The following DCDC1 variants were observed in gnomAD, a reference collection of about 807,000 sequenced individuals.
DCDC1 encodes the protein doublecortin domain containing 1, also known as doublecortin domain-containing protein 1.
Under a neutral mutation model 178.3 loss-of-function variants are expected in DCDC1, and 200 were observed. The ratio of observed to expected loss-of-function variants is 1.12; its 90% CI spans 1.00 to 1.26. The LOEUF is 1.26. Ranked by LOEUF, DCDC1 falls within the 50% of genes most tolerant of loss-of-function variation. The pLI is 0.00. For synonymous variants in DCDC1, 690 were observed against 604.8 expected (o/e 1.14, Z -2.07); for missense variants, 1,983 against 1,749.2 (o/e 1.13, Z -2.38).
chr11:30,916,684 C>T (rs752314893), intron 26 of DCDC1, among the ~76,000 whole-genome samples, 186 bp downstream of exon 26: 3 of 151,876 alleles, frequency 2.0e-5, no homozygotes, highest in Non-Finnish European at 4.4e-5. Context: ...CAAAATAAAC[C>T]AAAGAGTAAA....
chr11:31,345,344 A>T (rs1950759343), intron 1 of DCDC1, among the ~76,000 whole-genome samples: 1 of 152,188 alleles, frequency 6.6e-6, no homozygotes, highest in Non-Finnish European at 1.5e-5. Flanking sequence ...TCTCTATAGA[A>T]TTCAGGTCTG....
intron 8 of DCDC1, among the ~76,000 whole-genome samples, chr11:31,254,300 T>C (rs1944269858): frequency 1.3e-5 from 2 of 152,174 alleles, no homozygotes; most frequent in East Asian, 1.9e-4. Flanking sequence ...TGTTGGGTAC[T>C]TGTGAGTTGT....
intron 3 of DCDC1, among the ~76,000 whole-genome samples, chr11:31,326,364 C>A (rs963010235): frequency 1.5e-5 from 2 of 136,826 alleles, no homozygotes; most frequent in African/African-American, 2.5e-5. Flanking sequence ...ATACGTTTAG[C>A]TTTACCATAA....
chr11:31,073,911 A>C (rs1956713468), intron 18 of DCDC1, among the ~76,000 whole-genome samples: 2 of 152,172 alleles, frequency 1.3e-5, no homozygotes, highest in Non-Finnish European at 2.9e-5. Context: ...ATTGTATCAA[A>C]CTCTAAATTT....
At chr11:30,896,343 C>G (rs918169060) in intron 34 of DCDC1, among the ~76,000 whole-genome samples, 4 of 152,110 alleles carry the variant, frequency 2.6e-5, no homozygotes, top group African/African-American at 7.2e-5. Context: ...GAGGATGGAG[C>G]TCCACTGATA....
chr11:31,277,661 T>C (rs1339273615), intron 7 of DCDC1, among the ~76,000 whole-genome samples: 2 of 152,154 alleles, frequency 1.3e-5, no homozygotes, highest in East Asian at 1.9e-4. Flanking sequence ...ATTTCCTCGA[T>C]GATTAATAAT....
In DCDC1 at chr11:30,870,317, G is replaced by T. The variant is rs554938241; in HGVS notation, c.*41-4985C>A. On this transcript the variant is annotated intron_variant, in intron 38 of 38. Coordinates refer to ENST00000684477, the MANE Select transcript of DCDC1 (RefSeq NM_001387274.1). ...GGCCCATATCAACCTTCCCATGGGA[G>T]CTGGGTGTTATCTAATGGATAACAC... Among the ~76,000 whole-genome samples the T allele has an allele frequency of 2.1e-4, 32 of 152,086 alleles. 1 individual carries two copies. The highest frequency in any genetic ancestry group is 4.0e-4 in the Non-Finnish European group (27 of 68,020).
chr11:31,189,301 T>C (rs947471071), intron 9 of DCDC1, among the ~76,000 whole-genome samples: 2 of 152,162 alleles, frequency 1.3e-5, no homozygotes, highest in Admixed American at 6.5e-5. Flanking sequence ...ATTTCACACA[T>C]TGGAAAAGTA....
rs999033890 is a variant in DCDC1 at position 31,136,031 on chromosome 11, T to G, written c.1314+1661A>C. Among the ~76,000 whole-genome samples the G allele has an allele frequency of 3.3e-5, 5 of 152,086 alleles. No homozygotes were observed. In the South Asian group the frequency reaches 6.2e-4, roughly 19 times the overall value. The stretch of plus-strand genomic sequence containing the variant: ...TAAAAGGAAAATAATCTGTCATTCT[T>G]TTACAATATTTTCTATTTAATCTCT... On this transcript the variant is annotated intron_variant, in intron 10 of 38. Coordinates refer to ENST00000684477, the MANE Select transcript of DCDC1 (RefSeq NM_001387274.1).
At chr11:30,972,236 G>T (rs1949841630) in intron 20 of DCDC1, among the ~76,000 whole-genome samples, 1 of 152,058 alleles carries the variant, frequency 6.6e-6, no homozygotes, top group South Asian at 2.1e-4. Flanking sequence ...CTAGAGAAAA[G>T]CATCTAGTCA....
At chr11:31,211,819 ACAC>A (rs1972568753) in intron 9 of DCDC1, among the ~76,000 whole-genome samples, 1 of 152,288 alleles carries the variant, frequency 6.6e-6, no homozygotes, top group Admixed American at 6.5e-5. Context: ...GCAGTGGCTC[ACAC>A]CTGTAATCCC....
intron 38 of DCDC1, among the ~76,000 whole-genome samples, chr11:30,870,478 AG>A (rs1188486579): frequency 6.6e-6 from 1 of 152,238 alleles, no homozygotes; most frequent in Non-Finnish European, 1.5e-5. Context: ...AGAGTGAGGT[AG>A]TAGGAAACAA....
intron 21 of DCDC1, among the ~76,000 whole-genome samples, chr11:30,949,853 CG>C (rs1037876396): frequency 4.2e-5 from 2 of 47,548 alleles, no homozygotes; most frequent in African/African-American, 1.7e-4. Flanking sequence ...TGGGGCCTGT[CG>C]GGGGGTGGGG....
Position 30,931,881 on chromosome 11 carries a change from T to G in DCDC1, c.2787A>C (p.Thr929=), listed in dbSNP as rs1250338485. The part of the protein sequence containing the change: ...SPPMKKPICK[T]TEPYAPVRLR... ...GTCGCACAGGGGCATATGGCTCTGT[T>G]GTCTTACAGATGGGTTTCTTCATGG... is the stretch of plus-strand genomic sequence containing the variant. The change falls in exon 22 of 39, where the codon ACA becomes ACC. Residue 929 remains threonine (T), a synonymous_variant. Coordinates refer to ENST00000684477, the MANE Select transcript of DCDC1 (RefSeq NM_001387274.1). The G allele has an allele frequency of 6.2e-7, 1 of 1,613,038 alleles. No individual in the cohort carries two copies. The highest frequency in any genetic ancestry group is 8.5e-7 in the Non-Finnish European group (1 of 1,179,438).
At chr11:31,026,884 T>C (rs1406416246) in intron 20 of DCDC1, among the ~76,000 whole-genome samples, 1 of 151,814 alleles carries the variant, frequency 6.6e-6, no homozygotes, top group Non-Finnish European at 1.5e-5. Flanking sequence ...ACTTTGTTAC[T>C]ATGTTCAGTC....
chr11:31,232,527 T>A (rs1246827959), intron 9 of DCDC1, among the ~76,000 whole-genome samples: 1 of 152,136 alleles, frequency 6.6e-6, no homozygotes, highest in African/African-American at 2.4e-5. Flanking sequence ...TTTTTAAAAA[T>A]CACATATAAC....
At chr11:31,179,897 T>A (rs985442795) in intron 9 of DCDC1, among the ~76,000 whole-genome samples, 2 of 152,162 alleles carry the variant, frequency 1.3e-5, no homozygotes, top group Non-Finnish European at 2.9e-5. Context: ...AACAAGATAT[T>A]AGCAAGCCAA....
intron 9 of DCDC1, among the ~76,000 whole-genome samples, chr11:31,151,045 T>C (rs1965118413): frequency 6.6e-6 from 1 of 152,202 alleles, no homozygotes; most frequent in South Asian, 2.1e-4. Flanking sequence ...CACTGCCTAC[T>C]CTGTCACACT....
intron 20 of DCDC1, among the ~76,000 whole-genome samples, chr11:31,038,802 A>G (rs1679895194): frequency 6.6e-6 from 1 of 152,092 alleles, no homozygotes; most frequent in African/African-American, 2.4e-5. Flanking sequence ...TCTCCTGGGG[A>G]ACAATTCTAT....
Sources: allele counts gnomAD v4.1 joint callset (sites outside exome capture counted in the v4.1 genomes callset), GRCh38; gene constraint gnomAD v4.1.1; transcripts MANE v1.5; gene names NCBI Gene and HGNC (gene_info 2026-07-23, HGNC 2026-07-21).